Variants in MTUS2 observed in about 807,000 individuals in gnomAD.
The protein encoded by MTUS2 is microtubule-associated tumor suppressor candidate 2.
In MTUS2, 40 loss-of-function variants were observed where a neutral mutation model predicts 114.1. The ratio of observed to expected loss-of-function variants is 0.35; its 90% CI spans 0.27 to 0.46. The LOEUF (loss-of-function observed/expected upper bound fraction) is 0.46. MTUS2 is among the 20% of genes least tolerant of loss of function. The pLI is 1.00. For missense variants in MTUS2, 1,679 were observed against 1,705.4 expected, an observed-to-expected ratio of 0.98 and a Z score of 0.27; for synonymous variants, 688 against 672.0, an observed-to-expected ratio of 1.02 and a Z score of -0.37.
chr13:29,480,206 C>T lies in MTUS2; in HGVS notation c.3241C>T (p.Arg1081Trp), dbSNP rs370481969. Residue 1081 changes from arginine (R) to tryptophan (W), a missense_variant, in exon 10 of 16, where the codon CGG (arginine) becomes TGG (tryptophan). Physicochemically the swap from Arg to Trp is moderately radical, Grantham distance 101 (BLOSUM62 -3). Transcript: ENST00000612955. The surrounding 1 kb of genome is among the most constrained non-coding windows in gnomAD (Gnocchi z 4.4). ...AAAGGAGAAGGAGGAGCTGGAGAGG[C>T]GGTTCGAGGACGAGGTGAAGAGGCT... ...LQKEKEELERRFEDEVKRLGW... is the reference protein window; with the variant it reads ...LQKEKEELERWFEDEVKRLGW... The T allele has an allele frequency of 3.0e-5, 47 of 1,555,546 alleles. No homozygotes were observed. The East Asian group carries it at 3.9e-4, about 13-fold the overall frequency.
At chr13:29,410,430 A>G (rs935022476) in intron 8 of MTUS2, among the ~76,000 whole-genome samples, 1 of 152,160 alleles carries the variant, frequency 6.6e-6, no homozygotes, top group South Asian at 2.1e-4. Context: ...CCCAGGCTGT[A>G]GTTTTTAGTT....
intron 4 of MTUS2, among the ~76,000 whole-genome samples, chr13:29,039,320 C>A (rs180920222): frequency 6.6e-6 from 1 of 152,234 alleles, no homozygotes; most frequent in Non-Finnish European, 1.5e-5. Flanking sequence ...CCGAAGTCTG[C>A]GGCTGGGGCC....
intron 8 of MTUS2, among the ~76,000 whole-genome samples, chr13:29,410,610 T>C (rs1025558333): frequency 2.1e-4 from 32 of 152,184 alleles, no homozygotes; most frequent in Admixed American, 1.3e-3. Context: ...TTTGAAAGAG[T>C]TTTTTATATA....
chr13:28,949,964 C>A (rs1295581602), intron 2 of MTUS2, among the ~76,000 whole-genome samples: 1 of 152,174 alleles, frequency 6.6e-6, no homozygotes, highest in Non-Finnish European at 1.5e-5. Context: ...GAATATGTAT[C>A]CAACCCAGAA....
chr13:29,468,115 C>T (rs73446160), intron 9 of MTUS2, among the ~76,000 whole-genome samples: 3,514 of 151,496 alleles, frequency 0.023, 119 homozygotes, highest in African/African-American at 0.076. Context: ...GGAGACCCTG[C>T]CTCAAAAAAA....
chr13:29,095,482 C>G (rs1314033671), intron 4 of MTUS2, among the ~76,000 whole-genome samples: 1 of 151,930 alleles, frequency 6.6e-6, no homozygotes, highest in Non-Finnish European at 1.5e-5. Context: ...GTGTGGATCT[C>G]TTTACATTTA....
intron 2 of MTUS2, among the ~76,000 whole-genome samples, chr13:28,975,418 A>G (rs1460231782): frequency 6.6e-6 from 1 of 151,908 alleles, no homozygotes; most frequent in African/African-American, 2.4e-5. Context: ...CTGACTCTCC[A>G]CAGTGGCTTC....
intron 5 of MTUS2, among the ~76,000 whole-genome samples, chr13:29,257,496 CATG>C (rs1426894278): frequency 1.3e-5 from 2 of 152,314 alleles, no homozygotes; most frequent in Non-Finnish European, 2.9e-5. Context: ...AATAAAAAAT[CATG>C]ATATATTCAC....
At chr13:29,282,007 C>T in intron 6 of MTUS2, 142 bp downstream of exon 6, 1 of 909,060 alleles carries the variant, frequency 1.1e-6, no homozygotes, top group Non-Finnish European at 1.6e-6. Context: ...AATACCACTG[C>T]TTTTAAGGCA....
At chr13:29,014,676 T>A (rs1384200564) in intron 2 of MTUS2, among the ~76,000 whole-genome samples, 1 of 152,152 alleles carries the variant, frequency 6.6e-6, no homozygotes, top group East Asian at 1.9e-4. Flanking sequence ...GAGTCAGGCA[T>A]GGCACATGCA....
intron 2 of MTUS2, among the ~76,000 whole-genome samples, chr13:29,022,185 A>G (rs751737012): frequency 1.3e-5 from 2 of 152,172 alleles, no homozygotes; most frequent in Admixed American, 6.5e-5. Context: ...AACAAAAACC[A>G]GCTTATAGGA....
chr13:29,024,469 G>T lies in MTUS2; in HGVS notation c.-230G>T. 1.8e-6 allele frequency: 1 copy of T among 556,248 alleles called. No individual in the cohort carries two copies. The highest frequency in any genetic ancestry group is 3.1e-6 in the Non-Finnish European group (1 of 318,110). 34.5% of individuals were successfully genotyped at this position (556,248 alleles called of 1,614,324 possible). The stretch of plus-strand genomic sequence containing the variant: ...TATTTCTCTCTAGGTCTCATGGACT[G>T]ATTGGCTCTCATTCAGCAGGAACCT... On this transcript the variant is annotated 5_prime_UTR_variant, in exon 3 of 16. An upstream open reading frame in the 5' UTR loses its in-frame stop. Transcript: ENST00000612955.
intron 2 of MTUS2, among the ~76,000 whole-genome samples, chr13:28,982,317 A>G (rs191188701): frequency 1.6e-4 from 24 of 151,598 alleles, no homozygotes; most frequent in Admixed American, 5.9e-4. Flanking sequence ...GTGAGCTACT[A>G]CTTCACACCT....
intron 8 of MTUS2, among the ~76,000 whole-genome samples, chr13:29,401,129 G>T (rs1350422603): frequency 2.6e-5 from 4 of 151,940 alleles, no homozygotes; most frequent in African/African-American, 9.7e-5. Context: ...CTGGGACTAC[G>T]GGCACACACC....
intron 2 of MTUS2, among the ~76,000 whole-genome samples, chr13:28,976,817 C>T: frequency 6.6e-6 from 1 of 152,094 alleles, no homozygotes; most frequent in Non-Finnish European, 1.5e-5. Context: ...GAATTTGAAA[C>T]ATTGGAAGTG....
At chr13:29,290,077 A>G (rs751013166) in intron 6 of MTUS2, among the ~76,000 whole-genome samples, 4 of 152,226 alleles carry the variant, frequency 2.6e-5, no homozygotes, top group Admixed American at 6.5e-5. Context: ...CATATCTTCA[A>G]TAAAGATGCC....
At chr13:28,863,593 C>T (rs944624491) in intron 2 of MTUS2, among the ~76,000 whole-genome samples, 2 of 152,222 alleles carry the variant, frequency 1.3e-5, no homozygotes, top group African/African-American at 4.8e-5. Flanking sequence ...GAGGAAAAAA[C>T]ACATCTTAGC....
chr13:29,318,071 C>A (rs1168455509), intron 6 of MTUS2, among the ~76,000 whole-genome samples: 1 of 152,192 alleles, frequency 6.6e-6, no homozygotes, highest in African/African-American at 2.4e-5. Flanking sequence ...GCAGGGTCAG[C>A]CCCGTGGCAT....
At chr13:29,378,329 C>G (rs7988487) in intron 8 of MTUS2, among the ~76,000 whole-genome samples, 8 of 151,736 alleles carry the variant, frequency 5.3e-5, no homozygotes, top group Non-Finnish European at 8.8e-5. Flanking sequence ...TGGTTGTTTT[C>G]TTATTGTCCT....
Sources: gnomAD v4.1 joint callset for allele counts (sites outside exome capture counted in the v4.1 genomes callset) on GRCh38, gnomAD v4.1.1 for gene constraint, Gnocchi (gnomAD v3.1) non-coding constraint, MANE v1.5 for transcripts, NCBI Gene and HGNC (gene_info 2026-07-23, HGNC 2026-07-21) for gene names.